Variants in RTKN2 observed in about 807,000 individuals in gnomAD.
The protein encoded by RTKN2 is rhotekin-2.
A neutral mutation model predicts 71.5 loss-of-function variants in RTKN2; 69 were observed. The ratio of observed to expected loss-of-function variants is 0.96; its 90% CI spans 0.79 to 1.18. The LOEUF is 1.18. Ranked by LOEUF, RTKN2 falls within the 50% of genes most tolerant of loss-of-function variation. The pLI, the probability that RTKN2 is intolerant of heterozygous loss-of-function variation, is 0.00. For missense variants in RTKN2, 724 were observed against 719.7 expected, an observed-to-expected ratio of 1.01 and a Z score of -0.07; for synonymous variants, 236 against 236.5, an observed-to-expected ratio of 1.00 and a Z score of 0.02.
intron 10 of RTKN2, among the ~76,000 whole-genome samples, chr10:62,204,029 G>C (rs1314790811): frequency 6.6e-6 from 1 of 152,140 alleles, no homozygotes. Context: ...CTGTCCCTAG[G>C]ATTATTTCCA....
At chr10:62,253,854 G>C (rs1281152968) in intron 2 of RTKN2, among the ~76,000 whole-genome samples, 1 of 152,048 alleles carries the variant, frequency 6.6e-6, no homozygotes. Context: ...ATTGATACAT[G>C]ATGAATCTCA....
rs555716671 is a variant in RTKN2, at chr10:62,266,491, T to C, written c.60+2060A>G. On this transcript the variant is annotated intron_variant, in intron 1 of 11. Transcript: ENST00000373789. ...AACTGTGTGGATTTTAAGAATTGTT[T>C]ATGTACAGAAAAAAGTCTGGAAATT... Among the ~76,000 whole-genome samples the C allele has an allele frequency of 5.3e-5, 8 of 152,360 alleles. No individual in the cohort carries two copies. In the South Asian group the frequency reaches 1.7e-3, roughly 32 times the overall value.
At chr10:62,223,507 C>G (rs12359251) in intron 6 of RTKN2, among the ~76,000 whole-genome samples, 175 bp from the exon 7 acceptor site, 25,038 of 152,112 alleles carry the variant, frequency 0.16, 2,171 homozygotes, top group African/African-American at 0.2. Flanking sequence ...TGACACATTA[C>G]ATTTCTCCAA....
chr10:62,262,694 G>C lies in RTKN2; in HGVS notation c.188C>G (p.Ala63Gly), dbSNP rs1389358107. Reference protein sequence around the residue: ...HAVKNLMVCNARLMAYTSELQ... With the variant: ...HAVKNLMVCNGRLMAYTSELQ... ...CTCCGATGTATAGGCCATTAGTCGA[G>C]CATTGCACACCATGAGATTCTTAAC... The change falls in exon 2 of 12, where the codon GCT (alanine) becomes GGT (glycine). Residue 63 changes from alanine to glycine, a missense_variant. Physicochemically the swap from Ala to Gly is moderately conservative, Grantham distance 60. Coordinates refer to ENST00000373789, the MANE Select transcript of RTKN2 (RefSeq NM_145307.4). 1 of 1,613,412 alleles carries C rather than the reference G, an allele frequency of 6.2e-7. No individual in the cohort carries two copies. Among genetic ancestry groups the C allele is most frequent in the Non-Finnish European group, 8.5e-7 (1 of 1,179,560 alleles).
At chr10:62,207,284 C>T (rs1841567237) in intron 9 of RTKN2, among the ~76,000 whole-genome samples, 1 of 151,998 alleles carries the variant, frequency 6.6e-6, no homozygotes, top group African/African-American at 2.4e-5. Context: ...ATAAATACTA[C>T]TGTATATACT....
downstream of RTKN2, among the ~76,000 whole-genome samples, chr10:62,191,466 C>T (rs1841222318): frequency 2.0e-5 from 3 of 152,158 alleles, no homozygotes; most frequent in Admixed American, 1.3e-4. Flanking sequence ...CGTCACAGAT[C>T]TTTCACAGCA....
intron 8 of RTKN2, among the ~76,000 whole-genome samples, chr10:62,185,433 T>C (rs1490522729): frequency 6.6e-6 from 1 of 152,102 alleles, no homozygotes; most frequent in African/African-American, 2.4e-5. Context: ...CTGGCCAAGT[T>C]GGTGAAACCC....
chr10:62,220,912 A>G lies in RTKN2; in HGVS notation c.781+2326T>C, dbSNP rs76238211. 8.4e-3 allele frequency among the ~76,000 whole-genome samples: 1,283 copies of G among 152,246 alleles called. 12 individuals are homozygous for G. Among genetic ancestry groups the G allele is most frequent in the South Asian group, 0.039 (186 of 4,826 alleles). On this transcript the variant is annotated intron_variant, in intron 7 of 11. Transcript: ENST00000373789. ...TTCAATATTCAACAAGAAAAAATTA[A>G]AACTGCAGAATTAAGAAATATCTTC...
chr10:62,266,365 GA>G (rs1182584964), intron 1 of RTKN2, among the ~76,000 whole-genome samples: 8 of 152,288 alleles, frequency 5.3e-5, no homozygotes, highest in South Asian at 2.1e-4. Flanking sequence ...AATCAAGACA[GA>G]AACTATGATT....
At chr10:62,208,930 A>G (rs1312056760) in intron 9 of RTKN2, among the ~76,000 whole-genome samples, 1 of 152,216 alleles carries the variant, frequency 6.6e-6, no homozygotes, top group Non-Finnish European at 1.5e-5. Context: ...CCTAAAATGT[A>G]TTCTTACTAA....
intron 2 of RTKN2, among the ~76,000 whole-genome samples, chr10:62,247,137 G>A (rs958453588): frequency 6.6e-6 from 1 of 151,956 alleles, no homozygotes. Context: ...GAGAAAGACT[G>A]ATGGGAGTTT....
intron 2 of RTKN2, among the ~76,000 whole-genome samples, chr10:62,254,156 C>T (rs1231379424): frequency 6.6e-6 from 1 of 152,154 alleles, no homozygotes; most frequent in African/African-American, 2.4e-5. Context: ...TGGTTTGGCT[C>T]TGTGTCCCAC....
chr10:62,209,476 C>T (rs114778138), intron 9 of RTKN2, among the ~76,000 whole-genome samples: 2,517 of 151,878 alleles, frequency 0.017, 65 homozygotes, highest in African/African-American at 0.057. Flanking sequence ...TATTGTTAAA[C>T]TTTTAAGTTC....
At chr10:62,258,747 A>G (rs1842719491) in intron 2 of RTKN2, among the ~76,000 whole-genome samples, 1 of 152,216 alleles carries the variant, frequency 6.6e-6, no homozygotes, top group Non-Finnish European at 1.5e-5. Context: ...ACATGTGTAT[A>G]TGTAACATAA....
chr10:62,232,315 C>CTTTTT (rs56139482), intron 6 of RTKN2, among the ~76,000 whole-genome samples: 1 of 117,196 alleles, frequency 8.5e-6, no homozygotes, highest in Non-Finnish European at 1.8e-5. Flanking sequence ...TTCTTTCTTT[C>CTTTTT]TTTTTTTTTT....
At chr10:62,254,805 C>CA (rs1369216940) in intron 2 of RTKN2, among the ~76,000 whole-genome samples, 3 of 151,614 alleles carry the variant, frequency 2.0e-5, no homozygotes, top group Non-Finnish European at 4.4e-5. Context: ...AGCTGAGAGA[C>CA]AAAAAATAAA....
chr10:62,195,455 T>A lies in RTKN2; in HGVS notation c.*2453A>T. 5 of 976,378 alleles carry A rather than the reference T, an allele frequency of 5.1e-6. No individual in the cohort carries two copies. Among genetic ancestry groups the A allele is most frequent in the Non-Finnish European group, 6.1e-6 (5 of 821,954 alleles). 60.5% of individuals were successfully genotyped at this position (976,378 alleles called of 1,614,324 possible). On this transcript the variant is annotated 3_prime_UTR_variant, in exon 12 of 12. Transcript: ENST00000373789. ...GTGCTTAACTATTTTTAGATTTTTT[T>A]TTTAAACTGTAAAGGAAGGGAGGAA...
At chr10:62,239,007 G>A (rs1036366160) in intron 5 of RTKN2, 2 of 151,964 alleles carry the variant, frequency 1.3e-5, no homozygotes, top group Non-Finnish European at 2.9e-5. Context: ...AGTTAAAAAT[G>A]ATTTCTATGG....
rs950635587 is a variant in RTKN2 at position 62,268,586 on chromosome 10, G to A, written c.25C>T (p.Pro9Ser). 1 of 1,565,640 alleles carries A rather than the reference G, an allele frequency of 6.4e-7. No individual in the cohort carries two copies. The highest frequency in any genetic ancestry group is 1.9e-5 in the Admixed American group (1 of 53,054). The change falls in exon 1 of 12, where the codon CCT becomes TCT. Residue 9 changes from proline (P) to serine (S), a missense_variant. Physicochemically the swap from Pro to Ser is moderately conservative, Grantham distance 74. Transcript: ENST00000373789. ...GGAAGCCCCGCCAGGCGGAGCGCAG[G>A]ACCCCTCAGGCTCGGCCCCTCCATC... MEGPSLRG[P>S]ALRLAGLPTQ...
Sources: gnomAD v4.1 joint callset for allele counts (sites outside exome capture counted in the v4.1 genomes callset) on GRCh38, gnomAD v4.1.1 for gene constraint, MANE v1.5 for transcripts, NCBI Gene and HGNC (gene_info 2026-07-23, HGNC 2026-07-21) for gene names.